Variants in LYN observed in about 807,000 individuals in gnomAD.
LYN encodes the protein tyrosine-protein kinase Lyn.
A neutral mutation model predicts 65.0 loss-of-function variants in LYN; 12 were observed. The ratio of observed to expected loss-of-function variants is 0.18; its 90% CI spans 0.12 to 0.30. LYN has a LOEUF of 0.30. Among genes scored for constraint, LYN ranks in the 10% least tolerant of loss-of-function variants. The pLI is 1.00. For synonymous variants in LYN, 222 were observed against 221.2 expected, an observed-to-expected ratio of 1.00 and a Z score of -0.03; for missense variants, 380 against 623.2, an observed-to-expected ratio of 0.61 and a Z score of 4.16.
intron 10 of LYN, among the ~76,000 whole-genome samples, chr8:55,970,560 G>A (rs765009798): frequency 6.6e-6 from 1 of 152,154 alleles, no homozygotes; most frequent in Non-Finnish European, 1.5e-5. Flanking sequence ...TAGCAAAAGA[G>A]ATTTATAGAA....
At chr8:55,927,303 T>G (rs1360659561) in intron 1 of LYN, among the ~76,000 whole-genome samples, 1 of 152,208 alleles carries the variant, frequency 6.6e-6, no homozygotes, top group African/African-American at 2.4e-5. Context: ...CTCCATAGTT[T>G]TACCTTTTCC....
At chr8:55,944,732 C>T (rs1399801078) in intron 2 of LYN, among the ~76,000 whole-genome samples, 3 of 152,162 alleles carry the variant, frequency 2.0e-5, no homozygotes, top group Admixed American at 1.3e-4. Flanking sequence ...TCACCCACCT[C>T]GGCCTCTCAA....
intron 1 of LYN, among the ~76,000 whole-genome samples, chr8:55,916,452 C>G (rs1017974200): frequency 1.3e-5 from 2 of 152,158 alleles, no homozygotes; most frequent in African/African-American, 4.8e-5. Context: ...GATTTCCATA[C>G]ATAATACTGC....
At chr8:55,899,694 G>T (rs902276981) in intron 1 of LYN, among the ~76,000 whole-genome samples, 1 of 152,012 alleles carries the variant, frequency 6.6e-6, no homozygotes. Context: ...CAGTTACCCA[G>T]GCTGGAGTGC....
chr8:55,902,552 C>T (rs1585577820), intron 1 of LYN, among the ~76,000 whole-genome samples: 1 of 150,948 alleles, frequency 6.6e-6, no homozygotes, highest in East Asian at 2.0e-4. Flanking sequence ...ACACCTGATC[C>T]AAAACACAGT....
At chr8:55,981,014 T>C (rs993105732) in intron 10 of LYN, among the ~76,000 whole-genome samples, 1 of 152,148 alleles carries the variant, frequency 6.6e-6, no homozygotes, top group African/African-American at 2.4e-5. Context: ...TGGTTTTGCA[T>C]CCCTGCTCAG....
At chr8:56,007,399 G>A (rs748329550) in intron 12 of LYN, among the ~76,000 whole-genome samples, 3 of 152,160 alleles carry the variant, frequency 2.0e-5, no homozygotes, top group Non-Finnish European at 4.4e-5. Flanking sequence ...TCTGTCTTTC[G>A]CTTTAAGCAA....
At position 56,009,945 on chromosome 8, in the gene LYN, G is replaced by C; in HGVS notation, c.1374G>C (p.Gln458His). ...CCGACGTGATGACCGCCCTGTCCCA[G>C]GGCTACAGGATGCCCCGTGTGGAGA... The part of the protein sequence containing the change: ...TNADVMTALS[Q>H]GYRMPRVENC... Residue 458 changes from glutamine (Q) to histidine (H), a missense_variant, in exon 13 of 13, where the codon CAG becomes CAC. This residue lies in a region of LYN where 223 missense variants were observed against 430.0 expected (regional missense o/e 0.52). Coordinates refer to ENST00000519728, the MANE Select transcript of LYN (RefSeq NM_002350.4). The C allele has an allele frequency of 6.2e-7, 1 of 1,613,962 alleles. No individual in the cohort carries two copies. Among genetic ancestry groups the C allele is most frequent in the Non-Finnish European group, 8.5e-7 (1 of 1,179,866 alleles).
intron 12 of LYN, among the ~76,000 whole-genome samples, chr8:56,008,118 C>CAAAA (rs1554519937): frequency 3.6e-4 from 23 of 64,340 alleles, no homozygotes; most frequent in African/African-American, 1.0e-3. Flanking sequence ...GACTCTGCCT[C>CAAAA]AAAAAAAAAA....
intron 1 of LYN, among the ~76,000 whole-genome samples, chr8:55,886,500 G>A (rs1195151082): frequency 1.3e-5 from 2 of 151,946 alleles, no homozygotes; most frequent in South Asian, 2.1e-4. Context: ...TGCCTGCCTC[G>A]GCCTCCCAAA....
At chr8:55,892,752 G>C (rs1330364732) in intron 1 of LYN, among the ~76,000 whole-genome samples, 1 of 152,122 alleles carries the variant, frequency 6.6e-6, no homozygotes, top group Non-Finnish European at 1.5e-5. Context: ...CAGGATTCGA[G>C]GGAATTTTTT....
At chr8:55,893,167 G>T (rs1228894291) in intron 1 of LYN, among the ~76,000 whole-genome samples, 1 of 152,172 alleles carries the variant, frequency 6.6e-6, no homozygotes, top group South Asian at 2.1e-4. Flanking sequence ...TTACCCTGGC[G>T]ATTCAGTTGC....
intron 12 of LYN, among the ~76,000 whole-genome samples, chr8:56,001,015 G>A (rs913363738): frequency 6.6e-6 from 1 of 152,068 alleles, no homozygotes; most frequent in African/African-American, 2.4e-5. Context: ...GTAGTGTGGA[G>A]CCTGCGTGGA....
rs186578958 is a variant in LYN at position 55,904,329 on chromosome 8, T to C, written c.-6+24226T>C. Among the ~76,000 whole-genome samples, 369 of 150,836 alleles carry C rather than the reference T, an allele frequency of 2.4e-3. 2 individuals are homozygous for C. Among genetic ancestry groups the C allele is most frequent in the Non-Finnish European group, 4.7e-3 (313 of 67,210 alleles). ...GTTGATGGAATGAAAATAAATTTCTTAGAATATGATATGAAATATGATATG... is the reference window on the plus strand; with the variant it reads ...GTTGATGGAATGAAAATAAATTTCTCAGAATATGATATGAAATATGATATG... On this transcript the variant is annotated intron_variant, in intron 1 of 12. Coordinates refer to ENST00000519728, the MANE Select transcript of LYN (RefSeq NM_002350.4).
rs760996985 is a variant in LYN, at chr8:56,010,023, A to C, written c.1452A>C (p.Ala484=). The change falls in exon 13 of 13, where the codon GCA becomes GCC. Residue 484 remains alanine (A), a synonymous_variant. Coordinates refer to ENST00000519728, the MANE Select transcript of LYN (RefSeq NM_002350.4). ...TGAAAATGTGCTGGAAAGAAAAGGC[A>C]GAAGAGAGACCAACGTTTGACTACT... is the stretch of plus-strand genomic sequence containing the variant. ...DIMKMCWKEK[A]EERPTFDYLQ... is the part of the protein sequence containing the mutation. 5.0e-6 allele frequency: 8 copies of C among 1,614,106 alleles called. No individual in the cohort carries two copies. The South Asian group carries it at 8.8e-5, about 18-fold the overall frequency.
intron 1 of LYN, among the ~76,000 whole-genome samples, chr8:55,887,958 C>G (rs190864163): frequency 3.2e-4 from 49 of 152,176 alleles, no homozygotes; most frequent in African/African-American, 1.1e-3. Flanking sequence ...TGGAATGAAG[C>G]CAGTGGGACT....
At chr8:55,963,941 C>T (rs919031810) in intron 8 of LYN, among the ~76,000 whole-genome samples, 5 of 151,880 alleles carry the variant, frequency 3.3e-5, no homozygotes, top group Admixed American at 6.6e-5. Context: ...GGTTTATAAA[C>T]GTTAAAAAAT....
intron 10 of LYN, among the ~76,000 whole-genome samples, chr8:55,974,973 C>T (rs909848613): frequency 1.3e-5 from 2 of 152,162 alleles, no homozygotes; most frequent in Non-Finnish European, 2.9e-5. Context: ...CTCCCCTCCA[C>T]GTGGAAATTC....
At chr8:55,970,007 A>T (rs139465770) in intron 10 of LYN, among the ~76,000 whole-genome samples, 22 of 152,370 alleles carry the variant, frequency 1.4e-4, no homozygotes, top group African/African-American at 4.8e-4. Context: ...TGACCTGGAT[A>T]TCATCTTCTA....
Sources: gnomAD v4.1 joint callset for allele counts (sites outside exome capture counted in the v4.1 genomes callset) on GRCh38, gnomAD v4.1.1 for gene constraint, gnomAD v4.1.1 regional missense constraint, MANE v1.5 for transcripts, NCBI Gene and HGNC (gene_info 2026-07-23, HGNC 2026-07-21) for gene names.